PIK3C2G: variants seen among roughly 807,000 people sequenced by gnomAD.
PIK3C2G encodes phosphatidylinositol-4-phosphate 3-kinase catalytic subunit type 2 gamma, also known as phosphatidylinositol 3-kinase C2 domain-containing subunit gamma.
A neutral mutation model predicts 181.1 loss-of-function variants in PIK3C2G; 168 were observed. The ratio of observed to expected loss-of-function variants is 0.93; its 90% CI spans 0.82 to 1.05. The LOEUF (loss-of-function observed/expected upper bound fraction) is 1.05. Among genes scored for constraint, PIK3C2G ranks in the 50% least tolerant of loss-of-function variants. The probability of loss-of-function intolerance (pLI) is 0.00; values close to 1 mark genes in which losing one functional copy is unlikely to be tolerated. For missense variants in PIK3C2G, 1,869 were observed against 1,732.8 expected (o/e 1.08, Z -1.40); for synonymous variants, 573 against 592.2 (o/e 0.97, Z 0.47).
intron 11 of PIK3C2G, among the ~76,000 whole-genome samples, chr12:18,354,917 C>T (rs545000622): frequency 6.6e-6 from 1 of 152,304 alleles, no homozygotes; most frequent in South Asian, 2.1e-4. Context: ...TCCTGGTGAC[C>T]TTACACAGAT....
chr12:18,688,869 C>T, the PIK3C2G span, among the ~76,000 whole-genome samples: 13,505 of 151,562 alleles, frequency 0.089, 717 homozygotes, highest in African/African-American at 0.14. Context: ...AGCCTAAAAA[C>T]GCAGTTATAA....
At chr12:18,717,941 T>C in the PIK3C2G span, among the ~76,000 whole-genome samples, 1 of 152,160 alleles carries the variant, frequency 6.6e-6, no homozygotes, top group Admixed American at 6.5e-5. Context: ...TATGAGATAC[T>C]CCGTCGCACG....
chr12:18,282,545 A>G lies in PIK3C2G; in HGVS notation c.464A>G (p.Asn155Ser). The change falls in exon 2 of 33, where the codon AAT becomes AGT. Residue 155 changes from asparagine to serine, a missense_variant. By Grantham distance (46) the Asn-to-Ser change is conservative (BLOSUM62 1). Transcript: ENST00000538779. ...APSFTSLDKI[N>S]LEKELENENH... Reference sequence around the variant, plus strand: ...TCATTCACAAGTTTGGATAAAATTAATCTAGAGAAAGAATTAGAAAATGAA... The same window carrying G: ...TCATTCACAAGTTTGGATAAAATTAGTCTAGAGAAAGAATTAGAAAATGAA... 1 of 1,611,076 alleles carries G rather than the reference A, an allele frequency of 6.2e-7. No homozygotes were observed. The highest frequency in any genetic ancestry group is 8.5e-7 in the Non-Finnish European group (1 of 1,177,730).
intron 31 of PIK3C2G, among the ~76,000 whole-genome samples, chr12:18,626,032 A>G (rs1238632654): frequency 6.6e-6 from 1 of 151,738 alleles, no homozygotes; most frequent in Non-Finnish European, 1.5e-5. Context: ...AAGTATTGAC[A>G]GGTAAAGACT....
At chr12:18,719,410 A>G in the PIK3C2G span, 1 of 1,349,080 alleles carries the variant, frequency 7.4e-7, no homozygotes, top group Non-Finnish European at 9.9e-7. Context: ...AATGTAATAG[A>G]TTTAAAAATA....
intron 5 of PIK3C2G, among the ~76,000 whole-genome samples, chr12:18,305,895 T>G (rs1453073084): frequency 6.6e-6 from 1 of 152,056 alleles, no homozygotes; most frequent in East Asian, 1.9e-4. Flanking sequence ...TATATATTTT[T>G]TGTGAAAGAA....
At chr12:18,563,325 A>G in intron 27 of PIK3C2G, 52 bp from the exon 28 acceptor site, 3 of 1,549,168 alleles carry the variant, frequency 1.9e-6, no homozygotes, top group Admixed American at 1.9e-5. Context: ...TTTAGAGTGT[A>G]TCACAGGCTG....
intron 18 of PIK3C2G, among the ~76,000 whole-genome samples, chr12:18,484,922 G>C (rs1047714905): frequency 6.6e-6 from 1 of 152,060 alleles, no homozygotes. Context: ...ACTAAAAATT[G>C]GTCTCCTGAT....
chr12:18,624,778 GT>G (rs1949021795), intron 31 of PIK3C2G, among the ~76,000 whole-genome samples: 1 of 151,514 alleles, frequency 6.6e-6, no homozygotes, highest in Admixed American at 6.6e-5. Flanking sequence ...AGGTATATGT[GT>G]CTAAGAATTA....
At chr12:18,349,233 T>A (rs1265371825) in intron 11 of PIK3C2G, among the ~76,000 whole-genome samples, 6 of 152,122 alleles carry the variant, frequency 3.9e-5, no homozygotes. Context: ...ACAGAATCAT[T>A]GGGGGCTATC....
the PIK3C2G span, chr12:18,693,119 G>A: frequency 6.6e-7 from 1 of 1,520,038 alleles, no homozygotes. Context: ...TCTTGGAAGA[G>A]ATCATTGATG....
intron 18 of PIK3C2G, among the ~76,000 whole-genome samples, chr12:18,456,405 A>T (rs116769039): frequency 0.011 from 1,620 of 152,182 alleles, 28 homozygotes; most frequent in African/African-American, 0.037. Context: ...GCAGAAAGAG[A>T]GGGGCTCCCA....
intron 31 of PIK3C2G, among the ~76,000 whole-genome samples, chr12:18,616,341 A>G (rs1948606995): frequency 1.3e-5 from 2 of 152,132 alleles, no homozygotes; most frequent in South Asian, 4.1e-4. Flanking sequence ...TTATTAAATA[A>G]GCAAATGTTT....
At chr12:18,506,739 A>T (rs1456054132) in intron 24 of PIK3C2G, among the ~76,000 whole-genome samples, 1 of 152,206 alleles carries the variant, frequency 6.6e-6, no homozygotes, top group African/African-American at 2.4e-5. Context: ...TGAACACTAA[A>T]AGTCTTTAAA....
At chr12:18,319,907 C>T (rs1351290410) in intron 6 of PIK3C2G, 5 of 152,196 alleles carry the variant, frequency 3.3e-5, no homozygotes, top group African/African-American at 1.2e-4. Flanking sequence ...GTAAGACTCA[C>T]ATCTTCGTTT....
chr12:18,340,935 C>T (rs1405804825), intron 9 of PIK3C2G, among the ~76,000 whole-genome samples: 5 of 152,082 alleles, frequency 3.3e-5, no homozygotes, highest in African/African-American at 4.8e-5. Context: ...TGGCCCTTGT[C>T]ACCTCATGGC....
intron 24 of PIK3C2G, among the ~76,000 whole-genome samples, chr12:18,519,399 G>A (rs1942766298): frequency 6.6e-6 from 1 of 152,136 alleles, no homozygotes; most frequent in African/African-American, 2.4e-5. Context: ...GAATCTGGGT[G>A]CTCCTGTACT....
intron 31 of PIK3C2G, among the ~76,000 whole-genome samples, chr12:18,625,836 C>A (rs1949072775): frequency 6.6e-6 from 1 of 151,750 alleles, no homozygotes; most frequent in Non-Finnish European, 1.5e-5. Context: ...AGTATTGCTA[C>A]CCCTGCTCTT....
intron 18 of PIK3C2G, among the ~76,000 whole-genome samples, chr12:18,467,810 T>C (rs143983461): frequency 1.2e-4 from 18 of 151,898 alleles, no homozygotes; most frequent in African/African-American, 3.6e-4. Flanking sequence ...GCACATCTTA[T>C]AGAAAGAGAA....
Sources: allele counts gnomAD v4.1 joint callset (sites outside exome capture counted in the v4.1 genomes callset), GRCh38; gene constraint gnomAD v4.1.1; transcripts MANE v1.5; gene names NCBI Gene and HGNC (gene_info 2026-07-23, HGNC 2026-07-21).